The following TMEM132D variants were observed in gnomAD, a reference collection of about 807,000 sequenced individuals.
TMEM132D encodes transmembrane protein 132D.
A neutral mutation model predicts 62.3 loss-of-function variants in TMEM132D; 21 were observed. The observed-to-expected ratio is 0.34, with a 90% CI of 0.24 to 0.49. The LOEUF (loss-of-function observed/expected upper bound fraction) is 0.49, where lower values mean the gene tolerates loss of function less well. TMEM132D is among the 20% of genes least tolerant of loss of function. The pLI is 0.99. For synonymous variants in TMEM132D, 621 were observed against 575.6 expected, an observed-to-expected ratio of 1.08 and a Z score of -1.13; for missense variants, 1,346 against 1,402.8, an observed-to-expected ratio of 0.96 and a Z score of 0.65.
At chr12:129,352,074 G>A (rs981492148) in intron 3 of TMEM132D, among the ~76,000 whole-genome samples, 1 of 152,178 alleles carries the variant, frequency 6.6e-6, no homozygotes, top group Non-Finnish European at 1.5e-5. Flanking sequence ...TCCATCTTGA[G>A]TAAGGGCTGG....
At chr12:129,185,818 CT>C (rs1173765722) in intron 5 of TMEM132D, among the ~76,000 whole-genome samples, 1 of 149,714 alleles carries the variant, frequency 6.7e-6, no homozygotes. Context: ...TATCATCTAT[CT>C]ATCTGTTTTT....
chr12:129,844,278 T>C (rs181009913), intron 1 of TMEM132D, among the ~76,000 whole-genome samples: 3 of 152,242 alleles, frequency 2.0e-5, no homozygotes, highest in Admixed American at 1.3e-4. Flanking sequence ...CTTGAAACAA[T>C]TGAGGGAAGG....
intron 5 of TMEM132D, among the ~76,000 whole-genome samples, chr12:129,124,170 G>A (rs2135657375): frequency 6.6e-6 from 1 of 152,162 alleles, no homozygotes; most frequent in East Asian, 1.9e-4. Flanking sequence ...AGGGCTCCGT[G>A]GCTCCCATGT....
At chr12:129,534,441 A>G (rs1183189635) in intron 2 of TMEM132D, among the ~76,000 whole-genome samples, 1 of 151,356 alleles carries the variant, frequency 6.6e-6, no homozygotes, top group Non-Finnish European at 1.5e-5. Context: ...ATAAAAATAT[A>G]TAAATGCAAT....
chr12:129,562,065 G>C (rs1424695227), intron 2 of TMEM132D, among the ~76,000 whole-genome samples: 1 of 152,142 alleles, frequency 6.6e-6, no homozygotes, highest in Admixed American at 6.5e-5. Context: ...ATTTTACAGT[G>C]AAACACTGAA....
intron 5 of TMEM132D, among the ~76,000 whole-genome samples, chr12:129,191,638 A>G (rs1409545101): frequency 6.6e-6 from 1 of 151,808 alleles, no homozygotes; most frequent in Non-Finnish European, 1.5e-5. Flanking sequence ...ATATATATGT[A>G]TATTTATATA....
chr12:129,113,772 G>A (rs1390620621), intron 5 of TMEM132D, among the ~76,000 whole-genome samples: 5 of 148,062 alleles, frequency 3.4e-5, no homozygotes, highest in South Asian at 4.4e-4. Context: ...GGAAAGGGCC[G>A]GGCTGGGTGG....
intron 3 of TMEM132D, among the ~76,000 whole-genome samples, chr12:129,418,970 C>G (rs1872214360): frequency 6.6e-6 from 1 of 152,138 alleles, no homozygotes; most frequent in African/African-American, 2.4e-5. Context: ...AGGGCTGCCC[C>G]ACCGCAGCCT....
intron 4 of TMEM132D, among the ~76,000 whole-genome samples, chr12:129,327,385 G>A (rs1163963038): frequency 1.3e-5 from 2 of 152,160 alleles, no homozygotes; most frequent in South Asian, 2.1e-4. Context: ...TTTAGATACT[G>A]TCTAACCTGA....
intron 3 of TMEM132D, among the ~76,000 whole-genome samples, chr12:129,364,970 A>G (rs1234529729): frequency 6.6e-6 from 1 of 152,202 alleles, no homozygotes; most frequent in Non-Finnish European, 1.5e-5. Flanking sequence ...CATCACTATC[A>G]ATTAATAATT....
intron 4 of TMEM132D, among the ~76,000 whole-genome samples, chr12:129,221,837 C>T (rs531195170): frequency 7.9e-5 from 12 of 152,110 alleles, no homozygotes; most frequent in Admixed American, 5.9e-4. Flanking sequence ...ACAAACGCTG[C>T]GACAATGATG....
intron 3 of TMEM132D, among the ~76,000 whole-genome samples, chr12:129,523,770 T>C (rs1875926872): frequency 6.6e-6 from 1 of 152,090 alleles, no homozygotes; most frequent in African/African-American, 2.4e-5. Flanking sequence ...AAATGGTGAG[T>C]GAGTCAGCCT....
chr12:129,699,968 G>A lies in TMEM132D; in HGVS notation c.810C>T (p.Ile270=), dbSNP rs1394101099. 2 of 1,614,144 alleles carry A rather than the reference G, an allele frequency of 1.2e-6. No individual in the cohort carries two copies. The highest frequency in any genetic ancestry group is 1.7e-6 in the Non-Finnish European group (2 of 1,180,036). Residue 270 remains isoleucine, a synonymous_variant, in exon 2 of 9, where the codon ATC becomes ATT. Transcript: ENST00000422113. ...SGPPLQRIGS[I]FLYQTHRKPS... ...GTTTCCTGTGTGTCTGATAAAGGAA[G>A]ATGCTCCCGATCCTCTGCAAGGGGG...
At chr12:129,454,806 G>T (rs1408950081) in intron 3 of TMEM132D, among the ~76,000 whole-genome samples, 1 of 152,144 alleles carries the variant, frequency 6.6e-6, no homozygotes, top group Non-Finnish European at 1.5e-5. Flanking sequence ...TTAGCTCTGA[G>T]CCATCCACAA....
intron 5 of TMEM132D, among the ~76,000 whole-genome samples, chr12:129,108,663 GAC>G (rs1415182815): frequency 6.6e-6 from 1 of 152,128 alleles, no homozygotes; most frequent in Non-Finnish European, 1.5e-5. Flanking sequence ...CTCTTATATA[GAC>G]ACACTCAGAT....
At chr12:129,299,073 C>G (rs149738998) in intron 4 of TMEM132D, among the ~76,000 whole-genome samples, 1 of 152,156 alleles carries the variant, frequency 6.6e-6, no homozygotes, top group Admixed American at 6.5e-5. Flanking sequence ...TTCCCAAGGT[C>G]GATCTGTGAC....
intron 3 of TMEM132D, among the ~76,000 whole-genome samples, chr12:129,376,359 G>C (rs753686368): frequency 6.6e-6 from 1 of 152,146 alleles, no homozygotes; most frequent in Non-Finnish European, 1.5e-5. Context: ...TCTTCCCATG[G>C]TGGTAGCAAG....
chr12:129,311,948 T>C (rs1265098903), intron 4 of TMEM132D, among the ~76,000 whole-genome samples: 1 of 152,212 alleles, frequency 6.6e-6, no homozygotes, highest in Non-Finnish European at 1.5e-5. Flanking sequence ...CAGTAAGCAC[T>C]TTGAATTTTA....
At chr12:129,884,608 T>C (rs1351185901) in intron 1 of TMEM132D, among the ~76,000 whole-genome samples, 14 of 152,224 alleles carry the variant, frequency 9.2e-5, no homozygotes. Flanking sequence ...AATTACAATA[T>C]GAAAATATCA....
Sources: allele counts gnomAD v4.1 joint callset (sites outside exome capture counted in the v4.1 genomes callset), GRCh38; gene constraint gnomAD v4.1.1; transcripts MANE v1.5; gene names NCBI Gene and HGNC (gene_info 2026-07-23, HGNC 2026-07-21).